Variants in AP3B1 observed in about 807,000 individuals in gnomAD.
AP3B1 encodes adaptor related protein complex 3 subunit beta 1, also known as AP-3 complex subunit beta-1.
In AP3B1, 61 loss-of-function variants were observed where a neutral mutation model predicts 132.5. The ratio of observed to expected loss-of-function variants is 0.46; its 90% CI spans 0.37 to 0.57. AP3B1 has a LOEUF of 0.57. Ranked by LOEUF, AP3B1 falls within the 20% of genes least tolerant of loss-of-function variation. The pLI is 0.00. For missense variants in AP3B1, 1,120 were observed against 1,289.4 expected (o/e 0.87, Z 2.01); for synonymous variants, 388 against 438.3 (o/e 0.89, Z 1.43).
At chr5:78,251,461 C>T (rs1747632036) in intron 2 of AP3B1, among the ~76,000 whole-genome samples, 1 of 152,208 alleles carries the variant, frequency 6.6e-6, no homozygotes, top group South Asian at 2.1e-4. Flanking sequence ...ACCAATGCCA[C>T]CCTTTTCCTC....
At position 78,050,073 on chromosome 5, in the gene AP3B1, T is replaced by A. The variant is rs530732680; in HGVS notation, c.2578-10799A>T. On this transcript the variant is annotated intron_variant, in intron 22 of 26. Transcript: ENST00000255194. ...TCGCCATGACTTCCTTGCTATTCCT[T>A]TTGCATATTAGTAACAGTCCCACTA... Among the ~76,000 whole-genome samples, 5 of 152,250 alleles carry A rather than the reference T, an allele frequency of 3.3e-5. No homozygotes were observed. The South Asian group carries it at 1.0e-3, about 32-fold the overall frequency.
At chr5:78,174,850 C>A (rs916278589) in intron 11 of AP3B1, among the ~76,000 whole-genome samples, 1 of 152,226 alleles carries the variant, frequency 6.6e-6, no homozygotes, top group South Asian at 2.1e-4. Flanking sequence ...AGGCAGTAGG[C>A]CTTGCTGAGC....
rs776758618 is a variant in AP3B1, at chr5:78,177,445, T to C, written c.943-9A>G. 1 of 1,603,050 alleles carries C rather than the reference T, an allele frequency of 6.2e-7. No homozygotes were observed. The highest frequency in any genetic ancestry group is 1.1e-5 in the South Asian group (1 of 90,816). On this transcript the variant is annotated splice_polypyrimidine_tract_variant and intron_variant, in intron 8 of 26. Coordinates refer to ENST00000255194, the MANE Select transcript of AP3B1 (RefSeq NM_003664.5). ...GCAACTGCCATAACCACCTACAAGA[T>C]AAAGCATAAAAATAACAGAACTATG...
intron 21 of AP3B1, among the ~76,000 whole-genome samples, chr5:78,098,163 T>C (rs1035702800): frequency 1.9e-4 from 29 of 151,592 alleles, no homozygotes; most frequent in Non-Finnish European, 3.8e-4. Flanking sequence ...CAGGGTCCTC[T>C]GCCTAGGAAA....
At chr5:78,177,805 C>A (rs1010182736) in intron 8 of AP3B1, among the ~76,000 whole-genome samples, 3 of 152,068 alleles carry the variant, frequency 2.0e-5, no homozygotes, top group African/African-American at 7.2e-5. Context: ...CACCCATAAG[C>A]CAAGCAATGC....
At chr5:78,121,888 A>C (rs1752220671) in intron 17 of AP3B1, 1 of 152,252 alleles carries the variant, frequency 6.6e-6, no homozygotes, top group Non-Finnish European at 1.5e-5. Context: ...CAGAGACACA[A>C]ACCAAAAAAG....
At chr5:78,059,020 A>C (rs982289733) in intron 22 of AP3B1, among the ~76,000 whole-genome samples, 1 of 152,248 alleles carries the variant, frequency 6.6e-6, no homozygotes. Context: ...CCACAGAACC[A>C]ATGAATATGT....
In AP3B1 at chr5:78,244,031, A is replaced by G. The variant is rs143568936; in HGVS notation, c.205-3095T>C. Among the ~76,000 whole-genome samples the G allele has an allele frequency of 1.1e-3, 163 of 152,356 alleles. 1 individual carries two copies. The highest frequency in any genetic ancestry group is 3.8e-3 in the African/African-American group (159 of 41,580). On this transcript the variant is annotated intron_variant, in intron 2 of 26. Coordinates refer to ENST00000255194, the MANE Select transcript of AP3B1 (RefSeq NM_003664.5). ...AGGCTACAGCAATTATGCAGAGGAA[A>G]GATAGTGAGCACAGTGAGAATGGGC...
At chr5:78,247,888 C>A (rs1747443955) in intron 2 of AP3B1, among the ~76,000 whole-genome samples, 1 of 151,950 alleles carries the variant, frequency 6.6e-6, no homozygotes, top group Non-Finnish European at 1.5e-5. Context: ...CTGTTTATTC[C>A]CTGTATTTTC....
chr5:78,095,466 C>T (rs1368372473), intron 21 of AP3B1, among the ~76,000 whole-genome samples: 2 of 152,172 alleles, frequency 1.3e-5, no homozygotes, highest in Non-Finnish European at 2.9e-5. Context: ...AGAACCATTG[C>T]AGGCTAATAG....
chr5:78,089,615 T>A (rs1750425664), intron 21 of AP3B1, 116 bp from the exon 22 acceptor site: 2 of 740,354 alleles, frequency 2.7e-6, no homozygotes, highest in South Asian at 3.0e-5. Flanking sequence ...AATAAATGTA[T>A]GACAATTCTA....
intron 21 of AP3B1, among the ~76,000 whole-genome samples, chr5:78,099,911 G>A (rs1331583002): frequency 6.6e-6 from 1 of 151,246 alleles, no homozygotes; most frequent in African/African-American, 2.4e-5. Flanking sequence ...AGAACTGCTA[G>A]GTGAAAGGGT....
chr5:78,054,599 A>C (rs2047091347), intron 22 of AP3B1, among the ~76,000 whole-genome samples: 1 of 152,176 alleles, frequency 6.6e-6, no homozygotes, highest in African/African-American at 2.4e-5. Flanking sequence ...TTCCCAGAGA[A>C]AAGCTAGGCC....
At chr5:78,161,721 A>G (rs1403942290) in intron 13 of AP3B1, among the ~76,000 whole-genome samples, 1 of 152,026 alleles carries the variant, frequency 6.6e-6, no homozygotes, top group East Asian at 1.9e-4. Context: ...TACATGTAGA[A>G]AAATCTTCAG....
At chr5:78,254,566 A>G (rs1747777613) in intron 2 of AP3B1, among the ~76,000 whole-genome samples, 1 of 152,234 alleles carries the variant, frequency 6.6e-6, no homozygotes, top group Admixed American at 6.5e-5. Flanking sequence ...AAAGTGCTGA[A>G]GAAAAGTAAC....
intron 14 of AP3B1, among the ~76,000 whole-genome samples, chr5:78,146,675 TTTTTC>T (rs1378544501): frequency 1.3e-5 from 2 of 152,168 alleles, no homozygotes; most frequent in Non-Finnish European, 2.9e-5. Flanking sequence ...TTTTGATTCG[TTTTTC>T]TTTTATTTTA....
rs1459175749 is a variant in AP3B1, at chr5:78,039,260, T to C, written c.2592A>G (p.Ala864=). The C allele has an allele frequency of 6.2e-7, 1 of 1,613,908 alleles. No individual in the cohort carries two copies. Among genetic ancestry groups the C allele is most frequent in the African/African-American group, 1.3e-5 (1 of 74,938 alleles). Residue 864 remains alanine (A), a synonymous_variant, in exon 23 of 27, where the codon GCA becomes GCG. Transcript: ENST00000255194. ...GCACGTGAGTTTTCGTTGGTACAAA[T>C]GCAGGAGTACTGACCTATTACACAC... is the stretch of plus-strand genomic sequence containing the variant. ...SSSVISVSTP[A]FVPTKTHVLL...
chr5:78,129,843 A>G (rs992122945), intron 15 of AP3B1, among the ~76,000 whole-genome samples: 1 of 152,118 alleles, frequency 6.6e-6, no homozygotes, highest in East Asian at 1.9e-4. Context: ...AGACACATGA[A>G]TCACTGAACT....
At chr5:78,233,320 G>A (rs111735044) in intron 3 of AP3B1, among the ~76,000 whole-genome samples, 24,896 of 150,158 alleles carry the variant, frequency 0.17, 2,554 homozygotes, top group Admixed American at 0.27. Context: ...CGCAACCTCC[G>A]CCTCCTGGGT....
Sources: allele counts gnomAD v4.1 joint callset (sites outside exome capture counted in the v4.1 genomes callset), GRCh38; gene constraint gnomAD v4.1.1; transcripts MANE v1.5; gene names NCBI Gene and HGNC (gene_info 2026-07-23, HGNC 2026-07-21).